Variants in BNC2 observed in about 807,000 individuals in gnomAD.
BNC2 encodes zinc finger protein basonuclin-2.
In BNC2, 20 loss-of-function variants were observed where a neutral mutation model predicts 76.3. The ratio of observed to expected loss-of-function variants is 0.26; its 90% CI spans 0.18 to 0.38. The LOEUF (loss-of-function observed/expected upper bound fraction) is 0.38. Among genes scored for constraint, BNC2 ranks in the 10% least tolerant of loss-of-function variants. BNC2 has a pLI of 1.00. For missense variants in BNC2, 1,382 were observed against 1,399.8 expected, an observed-to-expected ratio of 0.99 and a Z score of 0.20; for synonymous variants, 582 against 514.8, an observed-to-expected ratio of 1.13 and a Z score of -1.77.
chr9:16,589,466 G>T (rs1403752016), intron 3 of BNC2, among the ~76,000 whole-genome samples: 1 of 150,922 alleles, frequency 6.6e-6, no homozygotes, highest in Non-Finnish European at 1.5e-5. Flanking sequence ...GATTATAGGT[G>T]TGAGTCATTG....
chr9:16,580,304 G>A (rs12003082), intron 4 of BNC2, among the ~76,000 whole-genome samples: 4,636 of 152,230 alleles, frequency 0.03, 247 homozygotes, highest in African/African-American at 0.11. Context: ...ACATGCTTGG[G>A]TGTATGCATT....
At chr9:16,473,592 G>A (rs1160335554) in intron 5 of BNC2, among the ~76,000 whole-genome samples, 1 of 152,066 alleles carries the variant, frequency 6.6e-6, no homozygotes, top group African/African-American at 2.4e-5. Context: ...TACGATGATG[G>A]GACCGGGCGT....
chr9:16,751,891 T>C (rs1244813537), intron 1 of BNC2, among the ~76,000 whole-genome samples: 1 of 151,632 alleles, frequency 6.6e-6, no homozygotes, highest in Non-Finnish European at 1.5e-5. Context: ...TAGTTGGGCA[T>C]GGTGGCGGGC....
chr9:16,564,073 G>C (rs188357081), intron 4 of BNC2, among the ~76,000 whole-genome samples: 7 of 152,232 alleles, frequency 4.6e-5, no homozygotes, highest in African/African-American at 1.7e-4. Context: ...AAAAGGAGTG[G>C]AAACAACAGT....
chr9:16,583,306 A>C (rs539762630), intron 3 of BNC2, among the ~76,000 whole-genome samples: 10 of 152,346 alleles, frequency 6.6e-5, no homozygotes, highest in African/African-American at 1.2e-4. Flanking sequence ...GGTCATTCAC[A>C]GTAACCTTTA....
chr9:16,791,390 G>A (rs953504396), intron 1 of BNC2, among the ~76,000 whole-genome samples: 1 of 152,106 alleles, frequency 6.6e-6, no homozygotes, highest in Non-Finnish European at 1.5e-5. Flanking sequence ...CATGATAACT[G>A]AAACTTGGAC....
At chr9:16,443,477 C>G (rs1821170946) in intron 5 of BNC2, among the ~76,000 whole-genome samples, 1 of 151,970 alleles carries the variant, frequency 6.6e-6, no homozygotes, top group Non-Finnish European at 1.5e-5. Flanking sequence ...AGAGAAATTA[C>G]CAAATTTCAA....
intron 1 of BNC2, among the ~76,000 whole-genome samples, chr9:16,748,507 T>C (rs556907643): frequency 6.7e-6 from 1 of 148,292 alleles, no homozygotes; most frequent in East Asian, 2.0e-4. Flanking sequence ...GAGTGAGACA[T>C]TGTCTTAAAC....
chr9:16,820,806 A>G (rs1178643381), intron 1 of BNC2, among the ~76,000 whole-genome samples: 2 of 140,824 alleles, frequency 1.4e-5, no homozygotes, highest in South Asian at 2.3e-4. Flanking sequence ...GTATAAAGGG[A>G]AAAAAAAAAA....
intron 1 of BNC2, among the ~76,000 whole-genome samples, chr9:16,756,048 CT>C (rs1194681164): frequency 6.6e-6 from 1 of 152,144 alleles, no homozygotes; most frequent in African/African-American, 2.4e-5. Flanking sequence ...ACTCAGGTGT[CT>C]CTCATGAGAT....
intron 1 of BNC2, among the ~76,000 whole-genome samples, chr9:16,805,993 C>T (rs1817900178): frequency 6.6e-6 from 1 of 152,018 alleles, no homozygotes; most frequent in South Asian, 2.1e-4. Context: ...TTTGCTTCCC[C>T]AATGAAGCAG....
chr9:16,711,961 G>T (rs547146652), intron 3 of BNC2, among the ~76,000 whole-genome samples: 1 of 152,294 alleles, frequency 6.6e-6, no homozygotes, highest in East Asian at 1.9e-4. Flanking sequence ...AGAGCATGTG[G>T]CAAATCATTT....
chr9:16,594,431 C>T (rs1820011787), intron 3 of BNC2, among the ~76,000 whole-genome samples: 1 of 152,088 alleles, frequency 6.6e-6, no homozygotes, highest in Non-Finnish European at 1.5e-5. Context: ...AGGAGCTGCC[C>T]ACCTTATTTC....
chr9:16,850,330 G>T (rs139431703), intron 1 of BNC2, among the ~76,000 whole-genome samples: 2 of 152,106 alleles, frequency 1.3e-5, no homozygotes, highest in African/African-American at 4.8e-5. Flanking sequence ...TGTATGGTAC[G>T]CATGAATCTA....
At chr9:16,461,893 T>C (rs1821591014) in intron 5 of BNC2, among the ~76,000 whole-genome samples, 1 of 152,206 alleles carries the variant, frequency 6.6e-6, no homozygotes, top group Non-Finnish European at 1.5e-5. Context: ...GTGCATGCAG[T>C]TCACAAATGC....
At chr9:16,665,299 G>C (rs1822238312) in intron 3 of BNC2, 1 of 327,394 alleles carries the variant, frequency 3.1e-6, no homozygotes, top group African/African-American at 2.3e-5. Flanking sequence ...GAACCTAGGA[G>C]GTGGAGGTTG....
At position 16,457,355 on chromosome 9, in the gene BNC2, T is replaced by TCAGTCCC. The variant is rs1380130283; in HGVS notation, c.670-19838_670-19832dup. 8.5e-5 allele frequency among the ~76,000 whole-genome samples: 13 copies of TCAGTCCC among 152,258 alleles called. No individual in the cohort carries two copies. The South Asian group carries it at 2.3e-3, about 27-fold the overall frequency. Reference sequence around the variant, plus strand: ...GTGTTGGGGGTCCAGGTCCCTAAGATCAGTCCCAGGATTGCGAGACTCACA... The same window carrying TCAGTCCC: ...GTGTTGGGGGTCCAGGTCCCTAAGATCAGTCCCCAGTCCCAGGATTGCGAGACTCACA... On this transcript the variant is annotated intron_variant, in intron 5 of 6. Transcript: ENST00000380672.
chr9:16,447,896 C>T (rs1442172225), intron 5 of BNC2, among the ~76,000 whole-genome samples: 1 of 152,088 alleles, frequency 6.6e-6, no homozygotes, highest in Admixed American at 6.5e-5. Context: ...AGACCCTCAC[C>T]TCAATTAAAC....
Position 16,800,191 on chromosome 9 carries a change from C to A in BNC2, c.4-61706G>T, listed in dbSNP as rs540195084. ...AGTGAGCCGAGATTGCACCACTGCACGCCAGCCTGGGTGACAAAGCAAGAC... is the reference window on the plus strand; with the variant it reads ...AGTGAGCCGAGATTGCACCACTGCAAGCCAGCCTGGGTGACAAAGCAAGAC... On this transcript the variant is annotated intron_variant, in intron 1 of 6. Transcript: ENST00000380672. Among the ~76,000 whole-genome samples, 116 of 150,028 alleles carry A rather than the reference C, an allele frequency of 7.7e-4. 1 individual carries two copies. The highest frequency in any genetic ancestry group is 2.8e-3 in the African/African-American group (115 of 40,858).
Sources: allele counts gnomAD v4.1 joint callset (sites outside exome capture counted in the v4.1 genomes callset), GRCh38; gene constraint gnomAD v4.1.1; transcripts MANE v1.5; gene names NCBI Gene and HGNC (gene_info 2026-07-23, HGNC 2026-07-21).